Variants in TSHZ2 observed in about 807,000 individuals in gnomAD.
TSHZ2 encodes the protein teashirt homolog 2.
In TSHZ2, 21 loss-of-function variants were observed where a neutral mutation model predicts 74.4. The ratio of observed to expected loss-of-function variants is 0.28; its 90% confidence interval spans 0.20 to 0.41. TSHZ2 has a LOEUF of 0.41. Ranked by LOEUF, TSHZ2 falls within the 10% of genes least tolerant of loss-of-function variation. TSHZ2 has a pLI of 1.00. For missense variants in TSHZ2, 1,244 were observed against 1,293.5 expected, an observed-to-expected ratio of 0.96 and a Z score of 0.59; for synonymous variants, 540 against 515.3, an observed-to-expected ratio of 1.05 and a Z score of -0.65.
At chr20:53,309,643 A>C (rs193064333) in intron 2 of TSHZ2, among the ~76,000 whole-genome samples, 2 of 152,314 alleles carry the variant, frequency 1.3e-5, no homozygotes, top group East Asian at 1.9e-4. Context: ...TTAGCATGCT[A>C]CCAATGGAGT....
rs1380669150 is a variant in TSHZ2 at position 53,169,786 on chromosome 20, A to G, written c.41-83713A>G. Among the ~76,000 whole-genome samples, 3 of 152,190 alleles carry G rather than the reference A, an allele frequency of 2.0e-5. No homozygotes were observed. The South Asian group carries it at 6.2e-4, about 32-fold the overall frequency. On this transcript the variant is annotated intron_variant, in intron 1 of 2. Transcript: ENST00000371497. ...TATTTTTATAGAAATTTGCATATCAATTAATAAATTTTGCACATGTGCATG... is the reference window on the plus strand; with the variant it reads ...TATTTTTATAGAAATTTGCATATCAGTTAATAAATTTTGCACATGTGCATG...
At chr20:53,457,692 G>C (rs1600656215) in intron 2 of TSHZ2, among the ~76,000 whole-genome samples, 1 of 145,968 alleles carries the variant, frequency 6.9e-6, no homozygotes, top group African/African-American at 2.5e-5. Flanking sequence ...ATTGGCTGTG[G>C]GTTTGTCATA....
At chr20:53,218,533 G>A (rs553071235) in intron 1 of TSHZ2, among the ~76,000 whole-genome samples, 6 of 152,076 alleles carry the variant, frequency 3.9e-5, no homozygotes, top group Non-Finnish European at 8.8e-5. Context: ...AACATCTACC[G>A]CATTGGTTCT....
intron 2 of TSHZ2, among the ~76,000 whole-genome samples, chr20:53,319,798 C>T (rs1010884172): frequency 5.9e-5 from 9 of 152,216 alleles, no homozygotes; most frequent in Admixed American, 2.0e-4. Context: ...CACCCAAAGC[C>T]TAGAGCGGAG....
intron 1 of TSHZ2, among the ~76,000 whole-genome samples, chr20:53,064,465 G>A (rs1285968847): frequency 6.6e-6 from 1 of 151,792 alleles, no homozygotes. Context: ...AAGAACGTTT[G>A]AGCCCCTATG....
At chr20:53,131,237 T>C (rs959886951) in intron 1 of TSHZ2, among the ~76,000 whole-genome samples, 5 of 152,220 alleles carry the variant, frequency 3.3e-5, no homozygotes, top group Non-Finnish European at 7.3e-5. Flanking sequence ...CCCTCCATAT[T>C]AGATTACATG....
chr20:53,425,422 G>A (rs942647220), intron 2 of TSHZ2, among the ~76,000 whole-genome samples: 6 of 152,188 alleles, frequency 3.9e-5, no homozygotes. Flanking sequence ...ATCAGAGTCA[G>A]GTGCTCATTT....
intron 1 of TSHZ2, chr20:53,185,275 A>G: frequency 5.9e-6 from 6 of 1,021,256 alleles, no homozygotes; most frequent in Non-Finnish European, 7.1e-6. Flanking sequence ...CGTGGGTTCA[A>G]ATTGGACATT....
At chr20:53,353,335 C>T (rs968966377) in intron 2 of TSHZ2, among the ~76,000 whole-genome samples, 6 of 152,154 alleles carry the variant, frequency 3.9e-5, no homozygotes, top group Non-Finnish European at 8.8e-5. Flanking sequence ...AGACCATCTG[C>T]AACTGCCCAT....
intron 1 of TSHZ2, among the ~76,000 whole-genome samples, chr20:53,125,484 C>A (rs969324167): frequency 1.3e-5 from 2 of 152,158 alleles, no homozygotes; most frequent in African/African-American, 4.8e-5. Context: ...ACATGGCAAG[C>A]ACTTTCTGGT....
At chr20:53,347,732 A>T (rs1209473749) in intron 2 of TSHZ2, among the ~76,000 whole-genome samples, 1 of 152,136 alleles carries the variant, frequency 6.6e-6, no homozygotes, top group Non-Finnish European at 1.5e-5. Context: ...TGTTTGCTGT[A>T]CAGATCAATC....
At chr20:53,043,062 T>C (rs1004537974) in intron 1 of TSHZ2, among the ~76,000 whole-genome samples, 1 of 152,160 alleles carries the variant, frequency 6.6e-6, no homozygotes, top group Non-Finnish European at 1.5e-5. Flanking sequence ...AATATTTTAA[T>C]TTTTTTAGGT....
intron 1 of TSHZ2, among the ~76,000 whole-genome samples, chr20:53,216,483 T>A (rs1160268329): frequency 2.6e-5 from 4 of 152,224 alleles, no homozygotes; most frequent in Admixed American, 6.5e-5. Context: ...AGCTAGGATA[T>A]GTCATTTTAT....
At chr20:53,006,454 C>T (rs1344463167) in intron 1 of TSHZ2, among the ~76,000 whole-genome samples, 3 of 152,194 alleles carry the variant, frequency 2.0e-5, no homozygotes, top group African/African-American at 7.2e-5. Context: ...CATGGAAGCA[C>T]ATGACCAAGA....
intron 1 of TSHZ2, among the ~76,000 whole-genome samples, chr20:53,060,098 C>T (rs1224917252): frequency 4.6e-5 from 7 of 152,258 alleles, no homozygotes; most frequent in African/African-American, 1.7e-4. Context: ...ATTGTCTCTG[C>T]CTGCCAGTGT....
chr20:53,115,824 A>G (rs1431144404), intron 1 of TSHZ2, among the ~76,000 whole-genome samples: 1 of 152,144 alleles, frequency 6.6e-6, no homozygotes, highest in African/African-American at 2.4e-5. Context: ...ATGAACTTCA[A>G]GTGGAAGAAG....
chr20:53,148,461 AT>A (rs1217317695), intron 1 of TSHZ2, among the ~76,000 whole-genome samples: 1 of 152,134 alleles, frequency 6.6e-6, no homozygotes, highest in Non-Finnish European at 1.5e-5. Flanking sequence ...CATAGGAAGA[AT>A]TTTGCTTTCT....
intron 2 of TSHZ2, among the ~76,000 whole-genome samples, chr20:53,373,943 C>T (rs1981568506): frequency 1.3e-5 from 2 of 152,162 alleles, no homozygotes; most frequent in Non-Finnish European, 2.9e-5. Flanking sequence ...ATACATAATA[C>T]ATGTACTAAT....
chr20:53,350,964 C>G (rs1035662452), intron 2 of TSHZ2, among the ~76,000 whole-genome samples: 1 of 152,214 alleles, frequency 6.6e-6, no homozygotes, highest in African/African-American at 2.4e-5. Context: ...TTTTGATAAA[C>G]CAGCATTCAG....
Sources: allele counts gnomAD v4.1 joint callset (sites outside exome capture counted in the v4.1 genomes callset), GRCh38; gene constraint gnomAD v4.1.1; transcripts MANE v1.5; gene names NCBI Gene and HGNC (gene_info 2026-07-23, HGNC 2026-07-21).